Variants in KPNA7 observed in about 807,000 individuals in gnomAD.
The protein encoded by KPNA7 is importin subunit alpha-8.
KPNA7 carries 54 observed loss-of-function variants against 53.7 expected under a neutral mutation model. The ratio of observed to expected loss-of-function variants is 1.01; its 90% confidence interval spans 0.81 to 1.26. The LOEUF is 1.26. KPNA7 is among the 50% of genes most tolerant of loss of function. KPNA7 has a pLI of 0.00. For missense variants in KPNA7, 640 were observed against 644.5 expected, an observed-to-expected ratio of 0.99 and a Z score of 0.07; for synonymous variants, 276 against 259.3, an observed-to-expected ratio of 1.06 and a Z score of -0.62.
downstream of KPNA7, among the ~76,000 whole-genome samples, chr7:99,170,084 T>C (rs1472726768): frequency 6.6e-6 from 1 of 152,168 alleles, no homozygotes; most frequent in African/African-American, 2.4e-5. Context: ...CTTGTTGGAA[T>C]GGCCAGGTTT....
chr7:99,186,738 G>A (rs1789613335), intron 7 of KPNA7, among the ~76,000 whole-genome samples: 1 of 151,714 alleles, frequency 6.6e-6, no homozygotes, highest in Non-Finnish European at 1.5e-5. Flanking sequence ...GTGAGACTTT[G>A]TCAAAAAACA....
chr7:99,217,139 T>C (rs1205083761), intron 1 of KPNA7, among the ~76,000 whole-genome samples: 1 of 152,194 alleles, frequency 6.6e-6, no homozygotes, highest in Non-Finnish European at 1.5e-5. Context: ...ATATAAATAC[T>C]TCAGAAATAT....
chr7:99,195,075 A>C lies in KPNA7; in HGVS notation c.548T>G (p.Ile183Arg). ...CEQAVWALGN[I>R]AGDGPEFRDN... ...CACTAAGGGGAGAGTCTCACCGGCT[A>C]TATTACCAAGAGCCCACACTGCCTG... The change falls in exon 5 of 11, where the codon ATA (isoleucine) becomes AGA (arginine). Residue 183 changes from isoleucine to arginine, a missense_variant. Ile to Arg is a moderately conservative substitution (Grantham distance 97, BLOSUM62 -3). Transcript: ENST00000327442. 1 of 1,551,412 alleles carries C rather than the reference A, an allele frequency of 6.4e-7. No homozygotes were observed. Among genetic ancestry groups the C allele is most frequent in the Non-Finnish European group, 8.7e-7 (1 of 1,146,806 alleles).
downstream of KPNA7, among the ~76,000 whole-genome samples, chr7:99,169,217 G>A (rs371220947): frequency 1.3e-5 from 2 of 152,128 alleles, no homozygotes; most frequent in African/African-American, 4.8e-5. Flanking sequence ...TAGCCCCCAG[G>A]CTGAAAGCTT....
At chr7:99,207,303 G>T in intron 2 of KPNA7, 98 bp downstream of exon 2, 2 of 957,402 alleles carry the variant, frequency 2.1e-6, no homozygotes, top group African/African-American at 1.6e-5. Flanking sequence ...AAAGTGTTGG[G>T]ATTACAGGCA....
intron 5 of KPNA7, among the ~76,000 whole-genome samples, chr7:99,194,016 TTC>T (rs952747669): frequency 6.6e-5 from 10 of 152,166 alleles, no homozygotes; most frequent in African/African-American, 2.4e-4. Flanking sequence ...TTATTTTATA[TTC>T]TGTTTGCTAA....
At chr7:99,204,159 C>T (rs1666512421) in intron 2 of KPNA7, among the ~76,000 whole-genome samples, 1 of 152,040 alleles carries the variant, frequency 6.6e-6, no homozygotes, top group East Asian at 1.9e-4. Flanking sequence ...GTGGGAGGAT[C>T]ATTGAGGCCA....
the KPNA7 span, among the ~76,000 whole-genome samples, chr7:99,146,707 G>A: frequency 1.9e-5 from 2 of 103,196 alleles, no homozygotes; most frequent in African/African-American, 4.2e-5. Flanking sequence ...GCGAGACTGT[G>A]TCTTAAAAAA....
upstream of KPNA7, among the ~76,000 whole-genome samples, chr7:99,211,947 T>C (rs1456822633): frequency 6.6e-6 from 1 of 152,152 alleles, no homozygotes; most frequent in African/African-American, 2.4e-5. Context: ...CACGAAGCTC[T>C]CAATCATTGT....
the KPNA7 span, among the ~76,000 whole-genome samples, chr7:99,166,035 C>T: frequency 6.6e-6 from 1 of 152,086 alleles, no homozygotes; most frequent in Non-Finnish European, 1.5e-5. Context: ...TCCTTCTGCT[C>T]TGGCCATGTA....
the KPNA7 span, among the ~76,000 whole-genome samples, chr7:99,148,378 C>A: frequency 6.6e-6 from 1 of 152,140 alleles, no homozygotes; most frequent in Non-Finnish European, 1.5e-5. Context: ...TTCCAGTGGG[C>A]AAATCTGTCT....
chr7:99,176,501 G>C (rs959354012), intron 10 of KPNA7, among the ~76,000 whole-genome samples: 1 of 152,062 alleles, frequency 6.6e-6, no homozygotes, highest in African/African-American at 2.4e-5. Context: ...TATATCTACT[G>C]TGGAAAAGAG....
rs1563067688 is a variant in KPNA7 at position 99,180,631 on chromosome 7, GTCTCTCTCTCCGTC to G, written c.1317+1238_1317+1251del. ...TCTCTCTCCCCATCTCTCTCTCCCC[GTCTCTCTCTCCGTC>G]TCTGTCTCTCTCTCCCCATCTGTGT... On this transcript the variant is annotated intron_variant, in intron 9 of 10. Transcript: ENST00000327442. Among the ~76,000 whole-genome samples, 83 of 69,524 alleles carry G rather than the reference GTCTCTCTCTCCGTC, an allele frequency of 1.2e-3. 2 individuals carry two copies. Among genetic ancestry groups the G allele is most frequent in the Admixed American group, 3.7e-3 (28 of 7,562 alleles). 45.6% of individuals were successfully genotyped at this position (69,524 alleles called of 152,430 possible). A position where few individuals can be genotyped will look rare whatever the true frequency, so the allele number is the denominator to read the frequency against.
At chr7:99,164,976 A>G in the KPNA7 span, among the ~76,000 whole-genome samples, 1 of 152,026 alleles carries the variant, frequency 6.6e-6, no homozygotes, top group Admixed American at 6.6e-5. Context: ...ACCCGCCTGT[A>G]GTCCCAGCTA....
Position 99,201,922 on chromosome 7 carries a change from G to A in KPNA7, c.201+1184C>T, listed in dbSNP as rs187822008. Among the ~76,000 whole-genome samples, 936 of 152,010 alleles carry A rather than the reference G, an allele frequency of 6.2e-3. 32 individuals are homozygous for A. The highest frequency in any genetic ancestry group is 0.059 in the Admixed American group (905 of 15,250). On this transcript the variant is annotated intron_variant, in intron 3 of 10. Transcript: ENST00000327442. ...GGGGTTTCACCATGTTGGCCAGGCTGGTCTCGAACTCCTGACCTCAGGTGA... is the reference window on the plus strand; with the variant it reads ...GGGGTTTCACCATGTTGGCCAGGCTAGTCTCGAACTCCTGACCTCAGGTGA...
chr7:99,205,766 G>A (rs191857400), intron 2 of KPNA7, among the ~76,000 whole-genome samples: 39 of 152,146 alleles, frequency 2.6e-4, no homozygotes, highest in African/African-American at 8.7e-4. Flanking sequence ...CAGGAGAATC[G>A]CTTGAACCTG....
chr7:99,163,357 G>GTGTGTA, the KPNA7 span, among the ~76,000 whole-genome samples: 6 of 65,816 alleles, frequency 9.1e-5, no homozygotes, highest in South Asian at 4.6e-3. Context: ...ATATGAGTGT[G>GTGTGTA]TGTATATATA....
chr7:99,214,098 G>A (rs1584326163), intron 1 of KPNA7, among the ~76,000 whole-genome samples: 1 of 152,044 alleles, frequency 6.6e-6, no homozygotes, highest in East Asian at 1.9e-4. Context: ...AAGCTTTGCA[G>A]CCAATAATCT....
chr7:99,164,291 T>C, the KPNA7 span, among the ~76,000 whole-genome samples: 28 of 151,908 alleles, frequency 1.8e-4, no homozygotes, highest in Middle Eastern at 3.4e-3. Flanking sequence ...ATATACACCA[T>C]GGAATACTAT....
Sources: gnomAD v4.1 joint callset for allele counts (sites outside exome capture counted in the v4.1 genomes callset) on GRCh38, gnomAD v4.1.1 for gene constraint, MANE v1.5 for transcripts, NCBI Gene and HGNC (gene_info 2026-07-23, HGNC 2026-07-21) for gene names.